The following GPC5 variants were observed in gnomAD, a reference collection of about 807,000 sequenced individuals.
GPC5 encodes glypican-5.
GPC5 carries 47 observed loss-of-function variants against 53.9 expected under a neutral mutation model. The observed-to-expected ratio is 0.87, with a 90% CI of 0.69 to 1.11. The LOEUF (loss-of-function observed/expected upper bound fraction) is 1.11. GPC5 is among the 50% of genes most tolerant of loss of function. The pLI is 0.00. For missense variants in GPC5, 748 were observed against 713.1 expected, an observed-to-expected ratio of 1.05 and a Z score of -0.56; for synonymous variants, 286 against 263.3, an observed-to-expected ratio of 1.09 and a Z score of -0.84.
intron 1 of GPC5, among the ~76,000 whole-genome samples, chr13:91,439,397 T>G (rs879397461): frequency 6.6e-6 from 1 of 152,252 alleles, no homozygotes; most frequent in Non-Finnish European, 1.5e-5. Flanking sequence ...CCTTCTAAAC[T>G]TCATTAACTA....
At chr13:92,397,944 A>G (rs1423740708) in intron 7 of GPC5, among the ~76,000 whole-genome samples, 1 of 152,200 alleles carries the variant, frequency 6.6e-6, no homozygotes, top group Non-Finnish European at 1.5e-5. Context: ...ATATACAGGC[A>G]GATTACCATG....
At chr13:91,957,881 A>G (rs2064138659) in intron 6 of GPC5, among the ~76,000 whole-genome samples, 1 of 152,044 alleles carries the variant, frequency 6.6e-6, no homozygotes, top group South Asian at 2.1e-4. Flanking sequence ...AAACATTACG[A>G]AAAAAGGAAA....
At chr13:91,641,902 T>C (rs2034439930) in intron 2 of GPC5, among the ~76,000 whole-genome samples, 1 of 152,138 alleles carries the variant, frequency 6.6e-6, no homozygotes, top group Non-Finnish European at 1.5e-5. Context: ...TAATGAAGAC[T>C]GAACTAAGGC....
At chr13:92,377,142 A>C (rs2043701853) in intron 7 of GPC5, among the ~76,000 whole-genome samples, 1 of 152,234 alleles carries the variant, frequency 6.6e-6, no homozygotes, top group African/African-American at 2.4e-5. Context: ...AAAGGCCTCC[A>C]AAGGGAATGA....
At chr13:92,227,307 A>C (rs1035514708) in intron 7 of GPC5, among the ~76,000 whole-genome samples, 1 of 152,076 alleles carries the variant, frequency 6.6e-6, no homozygotes, top group African/African-American at 2.4e-5. Context: ...AAACGCAAAC[A>C]AAAAAACAGC....
chr13:91,803,365 A>G (rs2038166194), intron 5 of GPC5, among the ~76,000 whole-genome samples: 1 of 152,206 alleles, frequency 6.6e-6, no homozygotes, highest in Non-Finnish European at 1.5e-5. Flanking sequence ...ATACAAAAAG[A>G]GGAGTTATAT....
At chr13:92,072,732 C>G (rs1260403640) in intron 6 of GPC5, among the ~76,000 whole-genome samples, 1 of 151,718 alleles carries the variant, frequency 6.6e-6, no homozygotes, top group Non-Finnish European at 1.5e-5. Context: ...TGCTACCACA[C>G]CCAGTTAATT....
At chr13:91,879,642 C>G (rs1386321792) in intron 5 of GPC5, among the ~76,000 whole-genome samples, 1 of 152,118 alleles carries the variant, frequency 6.6e-6, no homozygotes, top group Non-Finnish European at 1.5e-5. Context: ...TCCTTCATGA[C>G]CTAATTACTT....
intron 7 of GPC5, among the ~76,000 whole-genome samples, chr13:92,537,090 C>T (rs1024436694): frequency 6.6e-6 from 1 of 151,996 alleles, no homozygotes; most frequent in African/African-American, 2.4e-5. Flanking sequence ...TTTAAAATTC[C>T]ATATCTAAAG....
Position 91,450,488 on chromosome 13 carries a change from C to T in GPC5, c.325+1566C>T, listed in dbSNP as rs58278612. Among the ~76,000 whole-genome samples, 831 of 152,108 alleles carry T rather than the reference C, an allele frequency of 5.5e-3. 5 individuals carry two copies. Among genetic ancestry groups the T allele is most frequent in the African/African-American group, 0.019 (776 of 41,510 alleles). On this transcript the variant is annotated intron_variant, in intron 2 of 7. Transcript: ENST00000377067. Reference sequence around the variant, plus strand: ...TCATATTGAATCTTGGATATGTGATCAAGATAGAGCACATTACGTTCAAAG... The same window carrying T: ...TCATATTGAATCTTGGATATGTGATTAAGATAGAGCACATTACGTTCAAAG...
At chr13:92,595,980 CTTGT>C (rs769423268) in intron 7 of GPC5, among the ~76,000 whole-genome samples, 21 of 151,684 alleles carry the variant, frequency 1.4e-4, no homozygotes, top group Non-Finnish European at 2.5e-4. Flanking sequence ...ATCTAGTTCA[CTTGT>C]TTGTCACTGC....
intron 7 of GPC5, among the ~76,000 whole-genome samples, chr13:92,788,081 T>A (rs1876325295): frequency 6.6e-6 from 1 of 152,070 alleles, no homozygotes; most frequent in South Asian, 2.1e-4. Flanking sequence ...AACCTGTACC[T>A]GATATTAAAT....
intron 7 of GPC5, among the ~76,000 whole-genome samples, chr13:92,245,594 TTATTTAAAAGGAA>T (rs1376013795): frequency 2.0e-5 from 3 of 152,172 alleles, no homozygotes; most frequent in Non-Finnish European, 4.4e-5. Flanking sequence ...TAATACCTAC[TTATTTAAAAGGAA>T]TATTTTTAGG....
chr13:92,034,180 T>C (rs538981149), intron 6 of GPC5, among the ~76,000 whole-genome samples: 8 of 152,278 alleles, frequency 5.3e-5, no homozygotes, highest in African/African-American at 1.9e-4. Flanking sequence ...AACTAAATTA[T>C]TTATGGATGT....
At chr13:92,604,401 G>T (rs1884184071) in intron 7 of GPC5, among the ~76,000 whole-genome samples, 1 of 152,086 alleles carries the variant, frequency 6.6e-6, no homozygotes, top group Non-Finnish European at 1.5e-5. Flanking sequence ...TAAAATAAAA[G>T]ACATAGATAA....
chr13:92,286,621 A>T (rs2042956696), intron 7 of GPC5, among the ~76,000 whole-genome samples: 1 of 152,118 alleles, frequency 6.6e-6, no homozygotes, highest in South Asian at 2.1e-4. Flanking sequence ...TATTCTCAGC[A>T]AACTATCTCA....
chr13:92,603,402 G>T (rs1037131653), intron 7 of GPC5, among the ~76,000 whole-genome samples: 1 of 152,046 alleles, frequency 6.6e-6, no homozygotes, highest in Admixed American at 6.6e-5. Context: ...TTCTAAAGAG[G>T]TTCTGAGCAT....
chr13:91,558,538 T>G (rs1168537192), intron 2 of GPC5, among the ~76,000 whole-genome samples: 2 of 152,072 alleles, frequency 1.3e-5, no homozygotes, highest in Non-Finnish European at 2.9e-5. Context: ...GAAGGGACTT[T>G]GTTCTGGATC....
At chr13:91,866,175 C>G (rs1340426245) in intron 5 of GPC5, among the ~76,000 whole-genome samples, 1 of 152,158 alleles carries the variant, frequency 6.6e-6, no homozygotes, top group African/African-American at 2.4e-5. Context: ...GCCATGAATA[C>G]TTTTTAAATT....
Sources: gnomAD v4.1 joint callset for allele counts (sites outside exome capture counted in the v4.1 genomes callset) on GRCh38, gnomAD v4.1.1 for gene constraint, MANE v1.5 for transcripts, NCBI Gene and HGNC (gene_info 2026-07-23, HGNC 2026-07-21) for gene names.